NCAM2: variants seen among roughly 807,000 people sequenced by gnomAD.
NCAM2 encodes the protein neural cell adhesion molecule 2, also known as N-CAM-2.
Under a neutral mutation model 98.1 loss-of-function variants are expected in NCAM2, and 30 were observed. That is an observed-to-expected ratio of 0.31 (90% CI 0.23 to 0.41). The LOEUF (loss-of-function observed/expected upper bound fraction) is 0.41, where lower values mean the gene tolerates loss of function less well. Ranked by LOEUF, NCAM2 falls within the 10% of genes least tolerant of loss-of-function variation. The pLI is 1.00. For synonymous variants in NCAM2, 368 were observed against 342.4 expected, an observed-to-expected ratio of 1.07 and a Z score of -0.83; for missense variants, 867 against 1,005.8, an observed-to-expected ratio of 0.86 and a Z score of 1.87.
intron 15 of NCAM2, among the ~76,000 whole-genome samples, chr21:21,500,241 CT>C (rs928515684): frequency 3.9e-5 from 6 of 151,998 alleles, no homozygotes; most frequent in Non-Finnish European, 7.4e-5. Flanking sequence ...TGATTTTTCT[CT>C]TTTTTCTCTA....
At chr21:21,473,564 T>G (rs1278053635) in intron 14 of NCAM2, among the ~76,000 whole-genome samples, 8 of 151,428 alleles carry the variant, frequency 5.3e-5, no homozygotes, top group African/African-American at 1.9e-4. Flanking sequence ...AAATCTTAAA[T>G]CATAGGACAT....
intron 16 of NCAM2, among the ~76,000 whole-genome samples, chr21:21,527,912 T>A (rs1041538645): frequency 2.6e-5 from 4 of 152,214 alleles, no homozygotes; most frequent in African/African-American, 9.6e-5. Context: ...TTTCAGAAGC[T>A]TGTTTCATAA....
At chr21:21,394,689 G>A (rs1046463572) in intron 9 of NCAM2, among the ~76,000 whole-genome samples, 2 of 151,508 alleles carry the variant, frequency 1.3e-5, no homozygotes, top group Admixed American at 1.3e-4. Context: ...GGGTTTCACT[G>A]TGTTAGCCAG....
rs908635301 is a variant in NCAM2, at chr21:21,410,733, G to T, written c.1383+272G>T. ...GGAATAAAAACAATTATATGGCCGG[G>T]CGCAGTGGCTCACTCCTGTAATCCC... On this transcript the variant is annotated intron_variant, in intron 10 of 17. Coordinates refer to ENST00000400546, the MANE Select transcript of NCAM2 (RefSeq NM_004540.5). Among the ~76,000 whole-genome samples the T allele has an allele frequency of 1.3e-3, 196 of 151,620 alleles. 1 individual carries two copies. Among genetic ancestry groups the T allele is most frequent in the African/African-American group, 4.6e-3 (191 of 41,372 alleles).
At chr21:21,145,388 G>A (rs1297854564) in intron 1 of NCAM2, among the ~76,000 whole-genome samples, 1 of 152,086 alleles carries the variant, frequency 6.6e-6, no homozygotes, top group Admixed American at 6.6e-5. Flanking sequence ...TTGAAATTGA[G>A]TATAAACCAA....
At chr21:21,036,479 A>G (rs2064798827) in intron 1 of NCAM2, among the ~76,000 whole-genome samples, 1 of 152,192 alleles carries the variant, frequency 6.6e-6, no homozygotes, top group African/African-American at 2.4e-5. Flanking sequence ...TTCTGTCTAT[A>G]AAACAAATTG....
At chr21:21,324,599 C>A in intron 6 of NCAM2, 99 bp downstream of exon 6, 4 of 870,716 alleles carry the variant, frequency 4.6e-6, no homozygotes, top group South Asian at 1.9e-5. Context: ...CAAACCATTG[C>A]ATTTTAGTTT....
intron 1 of NCAM2, among the ~76,000 whole-genome samples, chr21:21,057,899 C>CT (rs1481342073): frequency 6.6e-6 from 1 of 151,998 alleles, no homozygotes; most frequent in South Asian, 2.1e-4. Flanking sequence ...TTCCCTACCC[C>CT]TTATGGAGAC....
intron 1 of NCAM2, among the ~76,000 whole-genome samples, chr21:21,118,567 G>A (rs1967543120): frequency 6.6e-6 from 1 of 152,164 alleles, no homozygotes; most frequent in Admixed American, 6.5e-5. Context: ...GAACTGATCA[G>A]CAGCCATGTT....
intron 1 of NCAM2, among the ~76,000 whole-genome samples, chr21:21,152,334 T>C (rs2067471759): frequency 6.6e-6 from 1 of 152,034 alleles, no homozygotes; most frequent in African/African-American, 2.4e-5. Flanking sequence ...AATCCTCGAA[T>C]ATATATGCTA....
chr21:21,349,168 A>G (rs1274103731), intron 8 of NCAM2, among the ~76,000 whole-genome samples: 11 of 152,202 alleles, frequency 7.2e-5, no homozygotes, highest in Non-Finnish European at 7.4e-5. Flanking sequence ...ATGGGAGAAA[A>G]TATTTGTAAA....
At chr21:21,119,382 C>T (rs1254552386) in intron 1 of NCAM2, among the ~76,000 whole-genome samples, 1 of 152,048 alleles carries the variant, frequency 6.6e-6, no homozygotes, top group Non-Finnish European at 1.5e-5. Context: ...TTCCATTTCC[C>T]CATCAATAAG....
chr21:21,358,785 A>G (rs950008330), intron 8 of NCAM2, among the ~76,000 whole-genome samples: 5 of 151,972 alleles, frequency 3.3e-5, no homozygotes, highest in Admixed American at 2.0e-4. Flanking sequence ...GTTTCCTTCA[A>G]TCTGCAACAT....
At chr21:21,311,562 C>T (rs2074055733) in intron 5 of NCAM2, among the ~76,000 whole-genome samples, 1 of 151,984 alleles carries the variant, frequency 6.6e-6, no homozygotes, top group African/African-American at 2.4e-5. Flanking sequence ...AGGAGGGTCT[C>T]GATCTCCTGA....
intron 1 of NCAM2, among the ~76,000 whole-genome samples, chr21:21,052,555 A>T (rs1002926397): frequency 2.0e-5 from 3 of 152,010 alleles, no homozygotes; most frequent in African/African-American, 7.3e-5. Context: ...GAAAAAAAAA[A>T]TCTGAGGAAT....
At chr21:21,254,038 A>C (rs2071569974) in intron 1 of NCAM2, among the ~76,000 whole-genome samples, 1 of 152,332 alleles carries the variant, frequency 6.6e-6, no homozygotes, top group Non-Finnish European at 1.5e-5. Flanking sequence ...ACAATTTGTC[A>C]AACCAAAAAC....
chr21:21,112,172 T>C (rs894235355), intron 1 of NCAM2, among the ~76,000 whole-genome samples: 1 of 152,198 alleles, frequency 6.6e-6, no homozygotes, highest in Admixed American at 6.5e-5. Flanking sequence ...TTTTCCTTTT[T>C]AAAACGGCAT....
chr21:21,393,918 G>T (rs1411119715), intron 9 of NCAM2, among the ~76,000 whole-genome samples: 1 of 152,090 alleles, frequency 6.6e-6, no homozygotes, highest in Non-Finnish European at 1.5e-5. Flanking sequence ...AGAAAAAGGA[G>T]AATAATATTA....
At chr21:21,452,882 TTA>T (rs1981432002) in intron 12 of NCAM2, among the ~76,000 whole-genome samples, 1 of 101,356 alleles carries the variant, frequency 9.9e-6, no homozygotes, top group Non-Finnish European at 1.8e-5. Context: ...ATGAATTACA[TTA>T]TATATTATAT....
Sources: gnomAD v4.1 joint callset for allele counts (sites outside exome capture counted in the v4.1 genomes callset) on GRCh38, gnomAD v4.1.1 for gene constraint, MANE v1.5 for transcripts, NCBI Gene and HGNC (gene_info 2026-07-23, HGNC 2026-07-21) for gene names.